AVEN: variants seen among roughly 807,000 people sequenced by gnomAD.
The protein encoded by AVEN is cell death regulator Aven.
AVEN carries 41 observed loss-of-function variants against 38.1 expected under a neutral mutation model. The observed-to-expected ratio is 1.08, with a 90% CI of 0.84 to 1.40. AVEN has a LOEUF of 1.40. Ranked by LOEUF, AVEN falls within the 40% of genes most tolerant of loss-of-function variation. The pLI, the probability that AVEN is intolerant of heterozygous loss-of-function variation, is 0.00. For synonymous variants in AVEN, 206 were observed against 171.8 expected (o/e 1.20, Z -1.56); for missense variants, 605 against 438.8 (o/e 1.38, Z -3.38).
At chr15:34,073,452 C>G (rs1417600094) in intron 1 of AVEN, among the ~76,000 whole-genome samples, 1 of 3,112 alleles carries the variant, frequency 3.2e-4, no homozygotes, top group Non-Finnish European at 9.6e-3. Context: ...TCAAACTCTT[C>G]AAAAACAAAA....
intron 2 of AVEN, among the ~76,000 whole-genome samples, chr15:33,898,849 G>C (rs1345172615): frequency 6.6e-6 from 1 of 152,160 alleles, no homozygotes; most frequent in Non-Finnish European, 1.5e-5. Context: ...AAGTCCCAGG[G>C]GGATTAACAG....
At chr15:33,933,941 G>A (rs1198171624) in intron 2 of AVEN, among the ~76,000 whole-genome samples, 2 of 152,144 alleles carry the variant, frequency 1.3e-5, no homozygotes, top group Admixed American at 6.5e-5. Flanking sequence ...TTTGGGTGAT[G>A]GAATGAGACT....
At chr15:33,977,789 C>T (rs1895948601) in intron 2 of AVEN, among the ~76,000 whole-genome samples, 1 of 152,038 alleles carries the variant, frequency 6.6e-6, no homozygotes, top group African/African-American at 2.4e-5. Flanking sequence ...AGGACTATTT[C>T]AGGCCAGGTG....
chr15:34,062,554 CAAAAA>C (rs10632153), intron 5 of AVEN: 52 of 411,300 alleles, frequency 1.3e-4, no homozygotes, highest in Admixed American at 2.2e-4. Context: ...GATTCTGTCT[CAAAAA>C]AAAAAAAAAA....
At chr15:34,037,711 A>G (rs1373952134) in intron 1 of AVEN, among the ~76,000 whole-genome samples, 1 of 151,956 alleles carries the variant, frequency 6.6e-6, no homozygotes, top group East Asian at 1.9e-4. Flanking sequence ...CCTATTACCT[A>G]TCTTAATCCT....
chr15:33,866,538 C>A lies in AVEN; in HGVS notation c.*75G>T. ...GAGACATGCTTGTAAACTGGCTGGTCCTGAAGGACAGCCTTATGCCCACCT... is the reference window on the plus strand; with the variant it reads ...GAGACATGCTTGTAAACTGGCTGGTACTGAAGGACAGCCTTATGCCCACCT... On this transcript the variant is annotated 3_prime_UTR_variant, in exon 6 of 6. Transcript: ENST00000306730. 1 of 1,097,478 alleles carries A rather than the reference C, an allele frequency of 9.1e-7. No homozygotes were observed. The highest frequency in any genetic ancestry group is 1.3e-5 in the South Asian group (1 of 74,114). 68.0% of individuals were successfully genotyped at this position (1,097,478 alleles called of 1,614,324 possible). A position where few individuals can be genotyped will look rare whatever the true frequency, so the allele number is the denominator to read the frequency against.
intron 1 of AVEN, among the ~76,000 whole-genome samples, 200 bp downstream of exon 1, chr15:34,038,580 G>A (rs1197806452): frequency 3.3e-5 from 5 of 150,902 alleles, no homozygotes; most frequent in African/African-American, 1.2e-4. Context: ...AGGAGGCCAC[G>A]AGGGCCAAGC....
rs1230190652 is a variant in AVEN, at chr15:34,063,572, C to A, written n.1127-140G>T. 6.2e-7 allele frequency: 1 copy of A among 1,613,622 alleles called. No homozygotes were observed. Among genetic ancestry groups the A allele is most frequent in the Non-Finnish European group, 8.5e-7 (1 of 1,180,020 alleles). On this transcript the variant is annotated intron_variant and non_coding_transcript_variant, in intron 4 of 11. Coordinates refer to the AVEN transcript ENST00000675287. The surrounding 1 kb of genome is among the most constrained non-coding windows in gnomAD (Gnocchi z 4.1). ...GCACCTCCACCACTGGGAAGCCATC[C>A]CAAGCCACTGGCCCAAGCGCCAATT...
At chr15:33,989,628 G>A (rs1042140425) in intron 2 of AVEN, among the ~76,000 whole-genome samples, 2 of 151,932 alleles carry the variant, frequency 1.3e-5, no homozygotes, top group Non-Finnish European at 2.9e-5. Context: ...CATAGTCTCT[G>A]AATTCATGTT....
At chr15:33,878,119 T>A (rs1221658005) in intron 2 of AVEN, among the ~76,000 whole-genome samples, 1 of 152,170 alleles carries the variant, frequency 6.6e-6, no homozygotes, top group Non-Finnish European at 1.5e-5. Context: ...GTTATCAAGA[T>A]ACCAATTTCA....
intron 5 of AVEN, among the ~76,000 whole-genome samples, chr15:34,057,190 G>T (rs1900188870): frequency 6.6e-6 from 1 of 150,410 alleles, no homozygotes; most frequent in South Asian, 2.1e-4. Context: ...CTGGAGTGCA[G>T]TCGCATGATC....
At chr15:33,891,850 A>T (rs1891985571) in intron 2 of AVEN, among the ~76,000 whole-genome samples, 1 of 152,192 alleles carries the variant, frequency 6.6e-6, no homozygotes, top group Non-Finnish European at 1.5e-5. Flanking sequence ...CCACCAACAA[A>T]GTAAAAGCAT....
intron 2 of AVEN, among the ~76,000 whole-genome samples, chr15:33,946,841 T>G (rs1037485993): frequency 4.6e-5 from 7 of 152,118 alleles, no homozygotes; most frequent in African/African-American, 1.7e-4. Flanking sequence ...GTCACAGATG[T>G]AGTGCGGGCT....
intron 1 of AVEN, among the ~76,000 whole-genome samples, chr15:34,012,298 G>A (rs1376975135): frequency 1.3e-5 from 2 of 152,134 alleles, no homozygotes; most frequent in African/African-American, 4.8e-5. Flanking sequence ...AATAAGTAGT[G>A]ACACAACTAG....
downstream of AVEN, chr15:33,854,664 C>G: frequency 6.9e-7 from 1 of 1,442,080 alleles, no homozygotes; most frequent in Non-Finnish European, 9.4e-7. Context: ...GCACCTAAAC[C>G]CCCTCTATCC....
intron 2 of AVEN, among the ~76,000 whole-genome samples, chr15:33,907,953 A>G (rs1393307884): frequency 2.0e-5 from 3 of 152,238 alleles, no homozygotes; most frequent in African/African-American, 7.2e-5. Flanking sequence ...AATGTAAAGC[A>G]TCTCTATGTC....
intron 2 of AVEN, among the ~76,000 whole-genome samples, chr15:33,943,538 G>C (rs1287147383): frequency 2.6e-5 from 4 of 152,162 alleles, no homozygotes; most frequent in Non-Finnish European, 2.9e-5. Context: ...CTATGGAACT[G>C]TACAATTAAA....
At chr15:33,860,629 C>T in intron 11 of AVEN, 3 of 1,594,458 alleles carry the variant, frequency 1.9e-6, no homozygotes, top group Middle Eastern at 1.7e-4. Context: ...AGCTAAGAGA[C>T]CAGCAGGAAC....
the AVEN span, among the ~76,000 whole-genome samples, chr15:33,853,403 T>A: frequency 1.3e-5 from 2 of 152,238 alleles, no homozygotes; most frequent in African/African-American, 4.8e-5. Context: ...CTTTTTTCTC[T>A]GGGTTTTCTC....
Sources: allele counts gnomAD v4.1 joint callset (sites outside exome capture counted in the v4.1 genomes callset), GRCh38; gene constraint gnomAD v4.1.1; non-coding constraint Gnocchi (gnomAD v3.1); transcripts MANE v1.5; gene names NCBI Gene and HGNC (gene_info 2026-07-23, HGNC 2026-07-21).